Variants in MAN1A1 observed in about 807,000 individuals in gnomAD.
The protein encoded by MAN1A1 is mannosyl-oligosaccharide 1,2-alpha-mannosidase IA.
MAN1A1 carries 29 observed loss-of-function variants against 70.8 expected under a neutral mutation model. That is an observed-to-expected ratio of 0.41 (90% CI 0.31 to 0.56). MAN1A1 has a LOEUF of 0.56. Ranked by LOEUF, MAN1A1 falls within the 20% of genes least tolerant of loss-of-function variation. The probability of loss-of-function intolerance (pLI) is 0.29; values close to 1 mark genes in which losing one functional copy is unlikely to be tolerated. For missense variants in MAN1A1, 747 were observed against 841.3 expected (o/e 0.89, Z 1.39); for synonymous variants, 349 against 330.1 (o/e 1.06, Z -0.62).
intron 2 of MAN1A1, among the ~76,000 whole-genome samples, chr6:119,317,233 C>A (rs1017742098): frequency 6.6e-6 from 1 of 152,132 alleles, no homozygotes; most frequent in African/African-American, 2.4e-5. Context: ...TGGACCTACA[C>A]TGACACATCA....
intron 6 of MAN1A1, among the ~76,000 whole-genome samples, chr6:119,238,896 T>C (rs549992595): frequency 6.6e-6 from 1 of 151,810 alleles, no homozygotes; most frequent in African/African-American, 2.4e-5. Flanking sequence ...TTATTATTAT[T>C]ATTATTATTT....
intron 4 of MAN1A1, among the ~76,000 whole-genome samples, chr6:119,299,797 A>C (rs1423142706): frequency 6.6e-6 from 1 of 152,178 alleles, no homozygotes; most frequent in Non-Finnish European, 1.5e-5. Flanking sequence ...TGGTGGTCTG[A>C]GGACAGCCAA....
At position 119,191,912 on chromosome 6, in the gene MAN1A1, T is replaced by C. The variant is rs1236932195; in HGVS notation, c.1326+1865A>G. On this transcript the variant is annotated intron_variant, in intron 9 of 12. Transcript: ENST00000368468. ...ACAACTTAGCAGAAATAAACTTTGC[T>C]GTATAAGACAATGCTACTTCTCAAA... Among the ~76,000 whole-genome samples the C allele has an allele frequency of 2.0e-5, 3 of 152,232 alleles. No individual in the cohort carries two copies. The East Asian group carries it at 5.8e-4, about 29-fold the overall frequency.
intron 2 of MAN1A1, chr6:119,332,002 TTCCTATGTATAAA>T (rs1331712665): frequency 6.0e-6 from 3 of 500,780 alleles, no homozygotes; most frequent in African/African-American, 3.9e-5. Flanking sequence ...TGGCTTCAAT[TTCCTATGTATAAA>T]ATGAGGAGAA....
At chr6:119,212,763 T>G (rs1774089846) in intron 6 of MAN1A1, among the ~76,000 whole-genome samples, 1 of 152,244 alleles carries the variant, frequency 6.6e-6, no homozygotes, top group African/African-American at 2.4e-5. Context: ...CTGACTGGTA[T>G]ATGAAACACA....
intron 7 of MAN1A1, among the ~76,000 whole-genome samples, chr6:119,203,385 C>A (rs1773769927): frequency 6.6e-6 from 1 of 152,000 alleles, no homozygotes; most frequent in African/African-American, 2.4e-5. Flanking sequence ...GAGGAGACAG[C>A]AGGTTTGCAA....
intron 11 of MAN1A1, among the ~76,000 whole-genome samples, chr6:119,181,794 T>C (rs1773160434): frequency 6.6e-6 from 1 of 152,228 alleles, no homozygotes; most frequent in Admixed American, 6.5e-5. Context: ...TACAGTGTGA[T>C]GTTTTGATAT....
chr6:119,228,684 A>C (rs1012311651), intron 6 of MAN1A1, among the ~76,000 whole-genome samples: 1 of 152,156 alleles, frequency 6.6e-6, no homozygotes, highest in African/African-American at 2.4e-5. Context: ...TAAAAAAACA[A>C]ATTTGGAAGG....
At chr6:119,311,952 G>A (rs1772719422) in intron 2 of MAN1A1, among the ~76,000 whole-genome samples, 1 of 152,166 alleles carries the variant, frequency 6.6e-6, no homozygotes, top group African/African-American at 2.4e-5. Context: ...TTAAAAATTA[G>A]TTTGGTGTTG....
intron 2 of MAN1A1, among the ~76,000 whole-genome samples, chr6:119,333,222 G>A (rs1211566669): frequency 1.3e-5 from 2 of 152,334 alleles, no homozygotes; most frequent in East Asian, 3.9e-4. Context: ...CCACAAATAT[G>A]CTAACTAATC....
Position 119,189,821 on chromosome 6 carries a change from T to C in MAN1A1, c.1389A>G (p.Lys463=). 1 of 1,614,130 alleles carries C rather than the reference T, an allele frequency of 6.2e-7. No homozygotes were observed. The highest frequency in any genetic ancestry group is 8.5e-7 in the Non-Finnish European group (1 of 1,180,020). The change falls in exon 10 of 13, where the codon AAA becomes AAG. Residue 463 remains lysine (K), a synonymous_variant. Transcript: ENST00000368468. ...CCATCTTGTGCTCCAGGAGGCCCCC[T>C]TTCCACTCTGCGATATAAGTTAGTC... ...SSGLTYIAEW[K]GGLLEHKMGH... is the part of the protein sequence containing the mutation.
At chr6:119,341,507 G>C (rs972022185) in intron 2 of MAN1A1, among the ~76,000 whole-genome samples, 1 of 152,158 alleles carries the variant, frequency 6.6e-6, no homozygotes, top group Non-Finnish European at 1.5e-5. Flanking sequence ...ATCTCAGGAA[G>C]TCACAGCTCA....
intron 6 of MAN1A1, among the ~76,000 whole-genome samples, chr6:119,233,776 A>G (rs1774757140): frequency 6.6e-6 from 1 of 152,238 alleles, no homozygotes; most frequent in Non-Finnish European, 1.5e-5. Context: ...AGACTCCACA[A>G]TAAGAAGTTG....
intron 6 of MAN1A1, among the ~76,000 whole-genome samples, chr6:119,221,524 T>C (rs1217453345): frequency 2.0e-5 from 3 of 150,004 alleles, no homozygotes; most frequent in Non-Finnish European, 4.4e-5. Flanking sequence ...CCAGGCTGGA[T>C]TGCAGTGGCA....
chr6:119,242,656 G>A (rs1054408171), intron 6 of MAN1A1, among the ~76,000 whole-genome samples: 11 of 152,088 alleles, frequency 7.2e-5, no homozygotes, highest in African/African-American at 2.7e-4. Context: ...ATGTCCATCT[G>A]TTTCATAGCA....
intron 2 of MAN1A1, among the ~76,000 whole-genome samples, chr6:119,323,197 C>T (rs1773061879): frequency 6.6e-6 from 1 of 152,172 alleles, no homozygotes; most frequent in Admixed American, 6.5e-5. Flanking sequence ...ATATGGCAGA[C>T]ATGATCTGAA....
chr6:119,311,237 T>A (rs1401568085), intron 2 of MAN1A1, among the ~76,000 whole-genome samples: 1 of 152,224 alleles, frequency 6.6e-6, no homozygotes, highest in African/African-American at 2.4e-5. Flanking sequence ...CCTAAGAATG[T>A]CTGTGATCTT....
intron 2 of MAN1A1, among the ~76,000 whole-genome samples, chr6:119,307,323 T>C (rs1772559247): frequency 6.6e-6 from 1 of 152,184 alleles, no homozygotes; most frequent in Non-Finnish European, 1.5e-5. Context: ...TCTACATTTA[T>C]CTAGTTCATT....
At chr6:119,247,810 C>T (rs1775208074) in intron 6 of MAN1A1, among the ~76,000 whole-genome samples, 2 of 152,144 alleles carry the variant, frequency 1.3e-5, no homozygotes, top group Admixed American at 1.3e-4. Context: ...CTCCGTTATA[C>T]CAGCTGCTTT....
Sources: gnomAD v4.1 joint callset for allele counts (sites outside exome capture counted in the v4.1 genomes callset) on GRCh38, gnomAD v4.1.1 for gene constraint, MANE v1.5 for transcripts, NCBI Gene and HGNC (gene_info 2026-07-23, HGNC 2026-07-21) for gene names.